TEX11: variants seen among roughly 807,000 people sequenced by gnomAD.
TEX11 encodes testis-expressed protein 11.
Under a neutral mutation model 84.4 loss-of-function variants are expected in TEX11, and 7 were observed. The ratio of observed to expected loss-of-function variants is 0.08; its 90% CI spans 0.05 to 0.16. TEX11 has a LOEUF of 0.16. Among genes scored for constraint, TEX11 ranks in the 10% least tolerant of loss-of-function variants. The pLI is 1.00. For missense variants in TEX11, 551 were observed against 660.5 expected (o/e 0.83, Z 1.82); for synonymous variants, 264 against 222.8 (o/e 1.18, Z -1.64).
chrX:70,759,844 T>C (rs374823520), intron 9 of TEX11, among the ~76,000 whole-genome samples: 4 of 111,655 alleles, frequency 3.6e-5, no homozygotes, highest in Non-Finnish European at 5.6e-5. Flanking sequence ...GCAGATGACA[T>C]GATTGTATAT....
intron 17 of TEX11, among the ~76,000 whole-genome samples, chrX:70,647,089 G>A (rs1028827963): frequency 9.0e-6 from 1 of 111,330 alleles, no homozygotes; most frequent in Non-Finnish European, 1.9e-5. Context: ...ATGAAAAAAA[G>A]GTATGAACCT....
intron 14 of TEX11, among the ~76,000 whole-genome samples, chrX:70,681,814 G>A (rs903506795): frequency 3.6e-5 from 4 of 111,638 alleles, no homozygotes; most frequent in Non-Finnish European, 5.6e-5. Flanking sequence ...ATTGGTAAAT[G>A]CCTGGAGGGA....
At chrX:70,631,302 T>C (rs1750605674) in intron 17 of TEX11, among the ~76,000 whole-genome samples, 1 of 112,456 alleles carries the variant, frequency 8.9e-6, no homozygotes, top group African/African-American at 3.2e-5. Context: ...GTATGATCTT[T>C]GACTACAATG....
intron 16 of TEX11, among the ~76,000 whole-genome samples, chrX:70,668,283 A>C (rs2147633622): frequency 8.9e-6 from 1 of 112,751 alleles, no homozygotes; most frequent in South Asian, 3.7e-4. Context: ...ATGGTTTCAT[A>C]AATTTTCCCA....
intron 7 of TEX11, among the ~76,000 whole-genome samples, chrX:70,851,555 C>A (rs939293478): frequency 9.0e-6 from 1 of 110,713 alleles, no homozygotes; most frequent in African/African-American, 3.3e-5. Flanking sequence ...AATAGTTCAG[C>A]CACTATGGAA....
At chrX:70,639,053 C>T (rs907892155) in intron 17 of TEX11, among the ~76,000 whole-genome samples, 7 of 110,324 alleles carry the variant, frequency 6.3e-5, no homozygotes, top group Admixed American at 9.7e-5. Context: ...TCAGTGGGTG[C>T]GCCCACCGTG....
In TEX11 at chrX:70,840,744, G is replaced by A. The variant is rs866897381; in HGVS notation, c.526-7151C>T. On this transcript the variant is annotated intron_variant, in intron 7 of 29. Coordinates refer to ENST00000374333, the MANE Select transcript of TEX11 (RefSeq NM_031276.3). ...TGTATTCAGGAAAGCCATCTCATGT[G>A]CAGAGACACACATAGGCTCAAAATA... Among the ~76,000 whole-genome samples the A allele has an allele frequency of 2.3e-4, 26 of 111,687 alleles. No individual in the cohort carries two copies. The South Asian group carries it at 6.8e-3, about 29-fold the overall frequency.
chrX:70,757,013 G>A (rs1323354096), intron 9 of TEX11, among the ~76,000 whole-genome samples: 2 of 112,059 alleles, frequency 1.8e-5, no homozygotes, highest in East Asian at 5.6e-4. Context: ...TGGAAGGAAC[G>A]ATAACAGTGA....
chrX:70,830,275 G>A (rs1280060428), intron 8 of TEX11, among the ~76,000 whole-genome samples: 1 of 111,798 alleles, frequency 8.9e-6, no homozygotes, highest in Non-Finnish European at 1.9e-5. Context: ...AGAAAAAAAG[G>A]TCACTATATA....
At chrX:70,726,255 G>T (rs1413434219) in intron 11 of TEX11, among the ~76,000 whole-genome samples, 1 of 111,326 alleles carries the variant, frequency 9.0e-6, no homozygotes, top group African/African-American at 3.3e-5. Context: ...TAACATTCTG[G>T]TTTTTTTCTA....
chrX:70,522,707 A>ATTT, the TEX11 span, among the ~76,000 whole-genome samples: 1 of 95,427 alleles, frequency 1.0e-5, no homozygotes, highest in Admixed American at 1.1e-4. Flanking sequence ...CCAATTTTGT[A>ATTT]TTTTTTTTTT....
intron 25 of TEX11, among the ~76,000 whole-genome samples, chrX:70,559,233 C>A (rs1271735821): frequency 8.9e-6 from 1 of 112,125 alleles, no homozygotes; most frequent in Non-Finnish European, 1.9e-5. Context: ...TATTATTTGA[C>A]CATAAAAAGT....
chrX:70,656,188 C>T (rs5980994), intron 16 of TEX11, among the ~76,000 whole-genome samples: 20,889 of 107,282 alleles, frequency 0.19, 1,658 homozygotes, highest in African/African-American at 0.21. Flanking sequence ...CTTTGGGAGG[C>T]TGAGGTGAGA....
intron 5 of TEX11, among the ~76,000 whole-genome samples, chrX:70,858,399 G>A (rs1264834962): frequency 2.8e-5 from 3 of 105,634 alleles, no homozygotes; most frequent in African/African-American, 1.0e-4. Flanking sequence ...CCAAGATCAT[G>A]CCACTGCACT....
intron 2 of TEX11, among the ~76,000 whole-genome samples, chrX:70,893,119 A>C (rs1157722592): frequency 3.6e-5 from 4 of 111,305 alleles, no homozygotes; most frequent in Non-Finnish European, 7.5e-5. Context: ...TCAACACCCC[A>C]CTGTCAATAT....
rs755631905 is a variant in TEX11 at position 70,891,658 on chromosome X, T to A, written c.38-11549A>T. Among the ~76,000 whole-genome samples the A allele has an allele frequency of 6.4e-5, 7 of 108,795 alleles. No homozygotes were observed. In the South Asian group the frequency reaches 2.8e-3, roughly 43 times the overall value. The allele number at this position is 108,795 out of a possible 115,157, so 94.5% of individuals were successfully genotyped here. ...GTGATTGAAGATCAAATTAATGAAA[T>A]AAAGCAAGAAAAAAAGGTTAGAGAA... On this transcript the variant is annotated intron_variant, in intron 2 of 29. Coordinates refer to ENST00000374333, the MANE Select transcript of TEX11 (RefSeq NM_031276.3).
At chrX:70,814,660 C>T (rs2091276784) in intron 8 of TEX11, among the ~76,000 whole-genome samples, 1 of 112,979 alleles carries the variant, frequency 8.9e-6, no homozygotes, top group African/African-American at 3.2e-5. Context: ...GCAACCTAGA[C>T]CTCATTTAGA....
At chrX:70,782,701 C>A (rs969824293) in intron 9 of TEX11, among the ~76,000 whole-genome samples, 2 of 92,908 alleles carry the variant, frequency 2.2e-5, no homozygotes, top group Non-Finnish European at 4.1e-5. Flanking sequence ...ATAAAACACA[C>A]TTTAAACCAG....
At chrX:70,574,502 G>A (rs2088647552) in intron 25 of TEX11, among the ~76,000 whole-genome samples, 1 of 111,277 alleles carries the variant, frequency 9.0e-6, no homozygotes, top group African/African-American at 3.3e-5. Flanking sequence ...ACTAAATTGT[G>A]AGCTCTCCCA....
Sources: gnomAD v4.1 joint callset for allele counts (sites outside exome capture counted in the v4.1 genomes callset) on GRCh38, gnomAD v4.1.1 for gene constraint, MANE v1.5 for transcripts, NCBI Gene and HGNC (gene_info 2026-07-23, HGNC 2026-07-21) for gene names.